SGCZ: variants seen among roughly 807,000 people sequenced by gnomAD.
SGCZ encodes the protein sarcoglycan zeta.
SGCZ carries 40 observed loss-of-function variants against 41.3 expected under a neutral mutation model. That is an observed-to-expected ratio of 0.97 (90% CI 0.75 to 1.26). The LOEUF is 1.26. Ranked by LOEUF, SGCZ falls within the 50% of genes most tolerant of loss-of-function variation. SGCZ has a pLI of 0.00. For missense variants in SGCZ, 552 were observed against 369.8 expected, an observed-to-expected ratio of 1.49 and a Z score of -4.04; for synonymous variants, 206 against 137.5, an observed-to-expected ratio of 1.50 and a Z score of -3.49.
chr8:14,468,820 G>A (rs938016594), intron 2 of SGCZ, among the ~76,000 whole-genome samples: 4 of 152,080 alleles, frequency 2.6e-5, no homozygotes, highest in Admixed American at 6.6e-5. Context: ...AGCTTATTGT[G>A]CCCAAGTAAC....
intron 2 of SGCZ, among the ~76,000 whole-genome samples, chr8:14,411,461 A>C (rs1044934321): frequency 4.6e-5 from 7 of 152,108 alleles, no homozygotes; most frequent in Non-Finnish European, 1.0e-4. Flanking sequence ...TGCTGAAACC[A>C]ATATCAAGTT....
chr8:14,723,544 C>T (rs1040083218), intron 1 of SGCZ, among the ~76,000 whole-genome samples: 4 of 152,076 alleles, frequency 2.6e-5, no homozygotes, highest in African/African-American at 9.7e-5. Flanking sequence ...CCATAGGTGC[C>T]CATCCCTCAG....
chr8:15,188,051 A>T (rs1427441939), intron 1 of SGCZ, among the ~76,000 whole-genome samples: 1 of 152,036 alleles, frequency 6.6e-6, no homozygotes, highest in African/African-American at 2.4e-5. Flanking sequence ...ATGGACACAT[A>T]TATTAATGTA....
At chr8:14,873,433 C>G (rs1804238674) in intron 1 of SGCZ, among the ~76,000 whole-genome samples, 2 of 152,022 alleles carry the variant, frequency 1.3e-5, no homozygotes, top group Non-Finnish European at 2.9e-5. Context: ...TCGTATAGTA[C>G]TAGTCATCAG....
intron 2 of SGCZ, among the ~76,000 whole-genome samples, chr8:14,363,032 G>C (rs1026875059): frequency 6.6e-6 from 1 of 152,056 alleles, no homozygotes; most frequent in East Asian, 1.9e-4. Context: ...TGACAATTTT[G>C]TATATTATTT....
chr8:14,890,761 G>A (rs1804981457), intron 1 of SGCZ, among the ~76,000 whole-genome samples: 1 of 152,170 alleles, frequency 6.6e-6, no homozygotes, highest in South Asian at 2.1e-4. Context: ...CCAAAGAGGA[G>A]AGTCAATGCT....
At chr8:14,678,390 C>A (rs1175405700) in intron 1 of SGCZ, among the ~76,000 whole-genome samples, 1 of 152,144 alleles carries the variant, frequency 6.6e-6, no homozygotes, top group East Asian at 1.9e-4. Context: ...TTAATAGACA[C>A]TTCACCAAAG....
At chr8:14,880,646 G>A (rs898662183) in intron 1 of SGCZ, among the ~76,000 whole-genome samples, 7 of 152,204 alleles carry the variant, frequency 4.6e-5, no homozygotes, top group African/African-American at 1.2e-4. Flanking sequence ...AGTTCATGTC[G>A]ATTGTAGGGA....
At chr8:15,157,948 C>G (rs984997325) in intron 1 of SGCZ, among the ~76,000 whole-genome samples, 38 of 152,314 alleles carry the variant, frequency 2.5e-4, no homozygotes, top group African/African-American at 8.7e-4. Context: ...AGGTCCATTC[C>G]AGGGCCGCTC....
At chr8:14,333,200 C>G (rs571856246) in intron 2 of SGCZ, among the ~76,000 whole-genome samples, 11 of 152,070 alleles carry the variant, frequency 7.2e-5, no homozygotes, top group African/African-American at 2.4e-4. Flanking sequence ...CTGCTGGGAA[C>G]CAAATCAGTG....
At chr8:14,095,333 T>C (rs530985352) in intron 7 of SGCZ, among the ~76,000 whole-genome samples, 1 of 152,348 alleles carries the variant, frequency 6.6e-6, no homozygotes, top group East Asian at 1.9e-4. Flanking sequence ...GTTTCAGCTT[T>C]CTGCATATGG....
intron 1 of SGCZ, among the ~76,000 whole-genome samples, chr8:15,144,668 C>T (rs1798989752): frequency 6.6e-6 from 1 of 152,154 alleles, no homozygotes; most frequent in African/African-American, 2.4e-5. Context: ...GTTGGCCATG[C>T]TATTCTCGAA....
intron 3 of SGCZ, among the ~76,000 whole-genome samples, chr8:14,247,253 A>C (rs1199859557): frequency 1.3e-5 from 2 of 152,146 alleles, no homozygotes; most frequent in Non-Finnish European, 2.9e-5. Context: ...AGGCTCTATG[A>C]CTTTGCATTG....
chr8:15,218,968 T>G lies in SGCZ; in HGVS notation c.39+18617A>C, dbSNP rs1022630486. On this transcript the variant is annotated intron_variant, in intron 1 of 7. Transcript: ENST00000382080. Reference sequence around the variant, plus strand: ...TGGTGCCAAAGCTGAACAAAGAGAATGAGCGATCACTGGGTTCTCAAAGAT... The same window carrying G: ...TGGTGCCAAAGCTGAACAAAGAGAAGGAGCGATCACTGGGTTCTCAAAGAT... Among the ~76,000 whole-genome samples, 4 of 152,196 alleles carry G rather than the reference T, an allele frequency of 2.6e-5. No individual in the cohort carries two copies. In the East Asian group the frequency reaches 7.7e-4, roughly 29 times the overall value.
At chr8:15,082,776 A>G (rs1351890134) in intron 1 of SGCZ, among the ~76,000 whole-genome samples, 2 of 152,102 alleles carry the variant, frequency 1.3e-5, no homozygotes, top group South Asian at 4.1e-4. Flanking sequence ...AAGAACCATT[A>G]ATGGAGCTAT....
intron 1 of SGCZ, among the ~76,000 whole-genome samples, chr8:14,994,707 T>G (rs963179939): frequency 3.9e-5 from 6 of 152,186 alleles, no homozygotes; most frequent in Non-Finnish European, 7.3e-5. Context: ...GAATACTGCA[T>G]GGTCTACTCA....
intron 1 of SGCZ, among the ~76,000 whole-genome samples, chr8:15,093,431 T>C (rs1806223327): frequency 1.3e-5 from 2 of 152,210 alleles, no homozygotes; most frequent in Non-Finnish European, 2.9e-5. Context: ...TCAATATTCA[T>C]ATTTTTGTAG....
chr8:14,188,121 G>C (rs1804966064), intron 4 of SGCZ, among the ~76,000 whole-genome samples: 1 of 152,128 alleles, frequency 6.6e-6, no homozygotes, highest in Non-Finnish European at 1.5e-5. Flanking sequence ...GCAAGATAAA[G>C]ATATTCCCAG....
At chr8:15,180,869 A>G (rs1370879236) in intron 1 of SGCZ, among the ~76,000 whole-genome samples, 1 of 151,646 alleles carries the variant, frequency 6.6e-6, no homozygotes, top group East Asian at 1.9e-4. Context: ...CCTGGGCAAC[A>G]GAGCGAGACT....
Sources: gnomAD v4.1 joint callset for allele counts (sites outside exome capture counted in the v4.1 genomes callset) on GRCh38, gnomAD v4.1.1 for gene constraint, MANE v1.5 for transcripts, NCBI Gene and HGNC (gene_info 2026-07-23, HGNC 2026-07-21) for gene names.